Variants in KCTD8 observed in about 807,000 individuals in gnomAD.
The protein encoded by KCTD8 is potassium channel tetramerization domain containing 8, also known as BTB/POZ domain-containing protein KCTD8.
In KCTD8, 27 loss-of-function variants were observed where a neutral mutation model predicts 31.5. The ratio of observed to expected loss-of-function variants is 0.86; its 90% CI spans 0.63 to 1.18. The LOEUF (loss-of-function observed/expected upper bound fraction) is 1.18, where lower values mean the gene tolerates loss of function less well. Ranked by LOEUF, KCTD8 falls within the 50% of genes most tolerant of loss-of-function variation. KCTD8 has a pLI of 0.00. For missense variants in KCTD8, 658 were observed against 647.7 expected (o/e 1.02, Z -0.17); for synonymous variants, 290 against 280.0 (o/e 1.04, Z -0.36).
intron 1 of KCTD8, among the ~76,000 whole-genome samples, chr4:44,306,165 A>G (rs1717797066): frequency 6.6e-6 from 1 of 152,000 alleles, no homozygotes; most frequent in South Asian, 2.1e-4. Flanking sequence ...ATGAAATAAT[A>G]AATGTAAAAA....
intron 1 of KCTD8, among the ~76,000 whole-genome samples, chr4:44,390,871 C>T (rs1720354141): frequency 6.6e-6 from 1 of 151,838 alleles, no homozygotes; most frequent in Non-Finnish European, 1.5e-5. Context: ...CTATGGAAAA[C>T]AGTGTGGGGA....
chr4:44,174,984 T>C lies in KCTD8; in HGVS notation c.1228A>G (p.Ser410Gly), dbSNP rs1180019830. The C allele has an allele frequency of 6.2e-7, 1 of 1,614,182 alleles. No homozygotes were observed. Among genetic ancestry groups the C allele is most frequent in the Admixed American group, 1.7e-5 (1 of 60,026 alleles). The change falls in exon 2 of 2, where the codon AGT becomes GGT. Residue 410 changes from serine (S) to glycine (G), a missense_variant. Transcript: ENST00000360029. ...CTGATGAGGGTCTGAAAGAGTTCACTGTTTCTGCGTTTGTCTGGTGGGGGT... is the reference window on the plus strand; with the variant it reads ...CTGATGAGGGTCTGAAAGAGTTCACCGTTTCTGCGTTTGTCTGGTGGGGGT... ...WIPPPDKRRN[S>G]ELFQTLISKS...
intron 1 of KCTD8, among the ~76,000 whole-genome samples, chr4:44,357,738 T>C (rs1287333249): frequency 1.3e-5 from 2 of 152,124 alleles, no homozygotes; most frequent in Non-Finnish European, 2.9e-5. Context: ...AACTTCTGTA[T>C]ACATTTTTAA....
intron 1 of KCTD8, among the ~76,000 whole-genome samples, chr4:44,182,578 G>A (rs1713458580): frequency 1.3e-5 from 2 of 152,136 alleles, no homozygotes; most frequent in Admixed American, 6.5e-5. Context: ...TTAAACAGAT[G>A]CTTGAAGGCA....
At chr4:44,234,091 C>A (rs1002081488) in intron 1 of KCTD8, among the ~76,000 whole-genome samples, 1 of 143,880 alleles carries the variant, frequency 7.0e-6, no homozygotes, top group South Asian at 2.3e-4. Flanking sequence ...AAGCCTCTTG[C>A]GTGTAATACT....
At chr4:44,446,410 C>G (rs1162882648) in intron 1 of KCTD8, among the ~76,000 whole-genome samples, 1 of 152,180 alleles carries the variant, frequency 6.6e-6, no homozygotes, top group South Asian at 2.1e-4. Context: ...AAGGAAAAAC[C>G]TTTGCCAAAT....
chr4:44,234,081 A>C (rs1208213990), intron 1 of KCTD8, among the ~76,000 whole-genome samples: 1 of 149,406 alleles, frequency 6.7e-6, no homozygotes, highest in East Asian at 2.0e-4. Context: ...ACACTGTTTT[A>C]AGCCTCTTGC....
chr4:44,275,873 C>T (rs1211898424), intron 1 of KCTD8, among the ~76,000 whole-genome samples: 4 of 151,860 alleles, frequency 2.6e-5, no homozygotes, highest in South Asian at 2.1e-4. Context: ...GATGCTGCCA[C>T]GTAAAGCTTC....
At chr4:44,303,365 G>A (rs1279551896) in intron 1 of KCTD8, among the ~76,000 whole-genome samples, 1 of 151,850 alleles carries the variant, frequency 6.6e-6, no homozygotes, top group Non-Finnish European at 1.5e-5. Context: ...CTTTTTGGTT[G>A]GTAAGCTATT....
intron 1 of KCTD8, among the ~76,000 whole-genome samples, chr4:44,414,769 T>C (rs1721035701): frequency 6.6e-6 from 1 of 152,164 alleles, no homozygotes; most frequent in Admixed American, 6.6e-5. Context: ...GTGTTGAAGG[T>C]AGGGCTTAGT....
chr4:44,323,591 G>T (rs1442114629), intron 1 of KCTD8, among the ~76,000 whole-genome samples: 1 of 148,894 alleles, frequency 6.7e-6, no homozygotes, highest in Non-Finnish European at 1.5e-5. Context: ...CTCACCACTT[G>T]CCCTGGGATC....
intron 1 of KCTD8, among the ~76,000 whole-genome samples, chr4:44,305,772 G>A (rs1293386459): frequency 1.3e-5 from 2 of 151,774 alleles, no homozygotes; most frequent in Non-Finnish European, 2.9e-5. Flanking sequence ...ATGAGTATTT[G>A]TAAGTATAAA....
chr4:44,344,821 G>A (rs1718998033), intron 1 of KCTD8, among the ~76,000 whole-genome samples: 1 of 152,160 alleles, frequency 6.6e-6, no homozygotes, highest in Non-Finnish European at 1.5e-5. Flanking sequence ...TGAAAGGACT[G>A]TGTGCTATGG....
intron 1 of KCTD8, among the ~76,000 whole-genome samples, chr4:44,277,644 T>C (rs1305451721): frequency 6.6e-6 from 1 of 152,046 alleles, no homozygotes; most frequent in East Asian, 1.9e-4. Context: ...TCCTCGATAA[T>C]TAATTAATTA....
At chr4:44,266,904 G>A in intron 1 of KCTD8, among the ~76,000 whole-genome samples, 1 of 151,534 alleles carries the variant, frequency 6.6e-6, no homozygotes, top group African/African-American at 2.4e-5. Flanking sequence ...CAAGTCCTGA[G>A]TGACCTACAA....
chr4:44,375,225 G>A (rs1719889445), intron 1 of KCTD8, among the ~76,000 whole-genome samples: 1 of 152,108 alleles, frequency 6.6e-6, no homozygotes, highest in Non-Finnish European at 1.5e-5. Context: ...AGGAACAAAA[G>A]GTGTATGCTG....
In KCTD8 at chr4:44,447,783, G is replaced by T; in HGVS notation, c.741C>A (p.Val247=). 6.2e-7 allele frequency: 1 copy of T among 1,610,440 alleles called. No individual in the cohort carries two copies. Among genetic ancestry groups the T allele is most frequent in the Admixed American group, 1.7e-5 (1 of 59,756 alleles). ...VCGRIALAKE[V]FGDTLNESRD... The stretch of plus-strand genomic sequence containing the variant: ...GGCTCTCGTTGAGCGTGTCCCCGAA[G>T]ACCTCCTTGGCCAGCGCGATGCGCC... The change falls in exon 1 of 2, where the codon GTC becomes GTA. Residue 247 remains valine, a synonymous_variant. Transcript: ENST00000360029.
intron 1 of KCTD8, among the ~76,000 whole-genome samples, chr4:44,299,726 C>CAAA (rs1362144246): frequency 8.3e-6 from 1 of 121,208 alleles, no homozygotes. Flanking sequence ...GACTCCGTCT[C>CAAA]AAAAAAAAAA....
chr4:44,239,083 G>A (rs973482943), intron 1 of KCTD8, among the ~76,000 whole-genome samples: 6 of 152,158 alleles, frequency 3.9e-5, no homozygotes, highest in African/African-American at 1.4e-4. Context: ...ACATCTGTAT[G>A]ATTTAGGGTA....
Sources: allele counts gnomAD v4.1 joint callset (sites outside exome capture counted in the v4.1 genomes callset), GRCh38; gene constraint gnomAD v4.1.1; transcripts MANE v1.5; gene names NCBI Gene and HGNC (gene_info 2026-07-23, HGNC 2026-07-21).